ATF7IP2: variants seen among roughly 807,000 people sequenced by gnomAD.
The protein encoded by ATF7IP2 is activating transcription factor 7-interacting protein 2.
ATF7IP2 carries 42 observed loss-of-function variants against 64.2 expected under a neutral mutation model. That is an observed-to-expected ratio of 0.65 (90% CI 0.51 to 0.85). The LOEUF is 0.85. Among genes scored for constraint, ATF7IP2 ranks in the 40% least tolerant of loss-of-function variants. ATF7IP2 has a pLI of 0.00. For missense variants in ATF7IP2, 933 were observed against 784.2 expected (o/e 1.19, Z -2.27); for synonymous variants, 308 against 272.8 (o/e 1.13, Z -1.27).
intron 1 of ATF7IP2, among the ~76,000 whole-genome samples, chr16:10,391,660 G>T (rs1428511759): frequency 1.3e-5 from 2 of 152,112 alleles, no homozygotes; most frequent in Non-Finnish European, 2.9e-5. Context: ...CACTTTAGGA[G>T]GCCAGGTCAG....
chr16:10,438,120 A>C lies in ATF7IP2; in HGVS notation c.980A>C (p.Gln327Pro), dbSNP rs2048483073. ...FLEQVRHLIQ[Q>P]EIYSINYELF... ...TTCTAGGTCAGACATTTGATTCAGCAGGAGATCTATAGCATAAATTATGAA... is the reference window on the plus strand; with the variant it reads ...TTCTAGGTCAGACATTTGATTCAGCCGGAGATCTATAGCATAAATTATGAA... Residue 327 changes from glutamine (Q) to proline (P), a missense_variant, in exon 7 of 14, where the codon CAG becomes CCG. Transcript: ENST00000562102. 5 of 1,560,688 alleles carry C rather than the reference A, an allele frequency of 3.2e-6. No individual in the cohort carries two copies. Among genetic ancestry groups the C allele is most frequent in the Non-Finnish European group, 4.3e-6 (5 of 1,157,914 alleles).
intron 1 of ATF7IP2, among the ~76,000 whole-genome samples, chr16:10,400,991 C>G (rs1456330896): frequency 1.3e-5 from 2 of 151,880 alleles, no homozygotes; most frequent in Non-Finnish European, 2.9e-5. Context: ...TATGAGCCAC[C>G]CTGGCCTTAA....
chr16:10,469,440 A>C (rs1461414573), intron 9 of ATF7IP2, among the ~76,000 whole-genome samples: 1 of 152,002 alleles, frequency 6.6e-6, no homozygotes, highest in Admixed American at 6.6e-5. Flanking sequence ...TAAATCCATA[A>C]ATGAAAAAAT....
intron 6 of ATF7IP2, among the ~76,000 whole-genome samples, chr16:10,437,117 A>C (rs1464705309): frequency 6.6e-6 from 1 of 150,662 alleles, no homozygotes; most frequent in Admixed American, 6.7e-5. Context: ...CACCTCCTGG[A>C]TTCAAGCAGT....
intron 8 of ATF7IP2, among the ~76,000 whole-genome samples, chr16:10,452,896 G>A (rs776413424): frequency 1.1e-4 from 16 of 152,048 alleles, no homozygotes; most frequent in South Asian, 4.2e-4. Context: ...GGGGGAAACC[G>A]CCTACTCAAG....
chr16:10,388,328 G>C (rs1189186191), intron 1 of ATF7IP2, among the ~76,000 whole-genome samples: 1 of 152,216 alleles, frequency 6.6e-6, no homozygotes, highest in Non-Finnish European at 1.5e-5. Context: ...TGACTTTTTG[G>C]AGGAAAGGGA....
At chr16:10,412,236 T>C (rs1285403364) in intron 1 of ATF7IP2, among the ~76,000 whole-genome samples, 1 of 151,988 alleles carries the variant, frequency 6.6e-6, no homozygotes, top group Non-Finnish European at 1.5e-5. Flanking sequence ...TGGTTTGTTC[T>C]TGTTTCTGTA....
At chr16:10,441,573 T>G (rs1469144797) in intron 8 of ATF7IP2, among the ~76,000 whole-genome samples, 1 of 152,228 alleles carries the variant, frequency 6.6e-6, no homozygotes, top group Non-Finnish European at 1.5e-5. Flanking sequence ...TCTGTTCATA[T>G]CCTTCGCCCG....
intron 1 of ATF7IP2, among the ~76,000 whole-genome samples, chr16:10,390,589 C>T (rs1282367819): frequency 2.0e-5 from 3 of 152,194 alleles, no homozygotes; most frequent in African/African-American, 7.2e-5. Context: ...TGAGACCCAC[C>T]TGGGTAACAT....
intron 5 of ATF7IP2, among the ~76,000 whole-genome samples, chr16:10,431,820 CT>C (rs35046235): frequency 5.1e-3 from 573 of 113,268 alleles, no homozygotes; most frequent in African/African-American, 0.014. Context: ...AACCCTATTT[CT>C]TTTTTTTTTT....
intron 2 of ATF7IP2, among the ~76,000 whole-genome samples, chr16:10,418,717 T>G (rs12927975): frequency 0.079 from 12,009 of 152,262 alleles, 487 homozygotes; most frequent in East Asian, 0.099. Flanking sequence ...ACGACAAGTT[T>G]GTAGAGTGCC....
intron 1 of ATF7IP2, among the ~76,000 whole-genome samples, chr16:10,407,546 G>A (rs75319787): frequency 0.02 from 3,032 of 152,180 alleles, 92 homozygotes; most frequent in African/African-American, 0.069. Context: ...CAAAATCACC[G>A]TACAAAATTC....
rs541347622 is a variant in ATF7IP2 at position 10,431,597 on chromosome 16, A to G, written c.835+142A>G. 9.9e-4 allele frequency: 588 copies of G among 593,272 alleles called. 8 individuals are homozygous for G. The highest frequency in any genetic ancestry group is 8.2e-3 in the Middle Eastern group (18 of 2,206). 36.8% of individuals were successfully genotyped at this position (593,272 alleles called of 1,614,324 possible). On this transcript the variant is annotated intron_variant, in intron 5 of 13. Transcript: ENST00000562102. ...TTATTTCACAGTATCTTGTTTCTGA[A>G]CCATTCTTAGTGAGGTGGGGGACAG...
In ATF7IP2 at chr16:10,448,849, A is replaced by C. The variant is rs559059906; in HGVS notation, c.1194+8387A>C. Reference sequence around the variant, plus strand: ...GGCCAGAACTTCCAATACTATGTTGAATAGGAGTAGTGAGAGAGAGGGCAT... The same window carrying C: ...GGCCAGAACTTCCAATACTATGTTGCATAGGAGTAGTGAGAGAGAGGGCAT... On this transcript the variant is annotated intron_variant, in intron 8 of 13. Transcript: ENST00000562102. 4 of 152,198 alleles carry C rather than the reference A, an allele frequency of 2.6e-5. No homozygotes were observed. In the East Asian group the frequency reaches 7.7e-4, roughly 29 times the overall value. The allele number at this position is 152,198 out of a possible 1,614,324, so 9.4% of individuals were successfully genotyped here. A position where few individuals can be genotyped will look rare whatever the true frequency, so the allele number is the denominator to read the frequency against.
intron 1 of ATF7IP2, among the ~76,000 whole-genome samples, chr16:10,390,573 G>A (rs2047301833): frequency 1.3e-5 from 2 of 152,236 alleles, no homozygotes; most frequent in South Asian, 4.2e-4. Flanking sequence ...CTTGAGGTCA[G>A]GAGTTTGAGA....
intron 12 of ATF7IP2, among the ~76,000 whole-genome samples, chr16:10,478,486 C>G (rs536133618): frequency 6.6e-6 from 1 of 152,280 alleles, no homozygotes; most frequent in South Asian, 2.1e-4. Flanking sequence ...TTCCTTACAC[C>G]TTATACAAAA....
intron 1 of ATF7IP2, among the ~76,000 whole-genome samples, chr16:10,390,819 C>CT (rs1318067700): frequency 6.6e-6 from 1 of 152,068 alleles, no homozygotes; most frequent in Non-Finnish European, 1.5e-5. Context: ...GAAAAAATAT[C>CT]TGAGTTTTTA....
At chr16:10,473,796 G>C in intron 11 of ATF7IP2, 127 bp from the exon 12 acceptor site, 1 of 656,326 alleles carries the variant, frequency 1.5e-6, no homozygotes, top group Admixed American at 3.1e-5. Flanking sequence ...CTTAGAGAAT[G>C]TTCCATCTCT....
At chr16:10,472,633 A>G (rs2049842415) in intron 10 of ATF7IP2, among the ~76,000 whole-genome samples, 1 of 152,172 alleles carries the variant, frequency 6.6e-6, no homozygotes. Context: ...AGGCAGGCAG[A>G]TCACCTGAGG....
Sources: allele counts gnomAD v4.1 joint callset (sites outside exome capture counted in the v4.1 genomes callset), GRCh38; gene constraint gnomAD v4.1.1; transcripts MANE v1.5; gene names NCBI Gene and HGNC (gene_info 2026-07-23, HGNC 2026-07-21).